FAM178B: variants seen among roughly 807,000 people sequenced by gnomAD.
FAM178B encodes family with sequence similarity 178 member B, also known as protein FAM178B.
In FAM178B, 82 loss-of-function variants were observed where a neutral mutation model predicts 91.7. That is an observed-to-expected ratio of 0.89 (90% confidence interval 0.75 to 1.07). The LOEUF (loss-of-function observed/expected upper bound fraction) is 1.07. FAM178B is among the 50% of genes least tolerant of loss of function. FAM178B has a pLI of 0.00. For synonymous variants in FAM178B, 368 were observed against 359.4 expected (o/e 1.02, Z -0.27); for missense variants, 769 against 846.7 (o/e 0.91, Z 1.14).
At chr2:96,947,508 C>A (rs2081849745) in intron 8 of FAM178B, among the ~76,000 whole-genome samples, 1 of 152,340 alleles carries the variant, frequency 6.6e-6, no homozygotes, top group Non-Finnish European at 1.5e-5. Context: ...GCTGTCCCCT[C>A]AGACCTAGAG....
chr2:96,930,682 A>G (rs1397304609), intron 8 of FAM178B, among the ~76,000 whole-genome samples: 1 of 152,250 alleles, frequency 6.6e-6, no homozygotes, highest in African/African-American at 2.4e-5. Flanking sequence ...AGTACTACAC[A>G]GCTAAGAGGG....
chr2:96,984,037 T>C (rs1212753380), intron 1 of FAM178B, among the ~76,000 whole-genome samples: 1 of 152,124 alleles, frequency 6.6e-6, no homozygotes, highest in Non-Finnish European at 1.5e-5. Flanking sequence ...TGGCACAATC[T>C]CGGTTCACTG....
At chr2:96,935,382 C>T (rs11885811) in intron 8 of FAM178B, among the ~76,000 whole-genome samples, 19,198 of 152,068 alleles carry the variant, frequency 0.13, 2,338 homozygotes, top group African/African-American at 0.32. Context: ...TCCAGCACGG[C>T]TGGTAGAGGC....
chr2:96,920,986 T>C (rs995106062), intron 12 of FAM178B, among the ~76,000 whole-genome samples, 179 bp downstream of exon 12: 1 of 152,074 alleles, frequency 6.6e-6, no homozygotes, highest in Non-Finnish European at 1.5e-5. Context: ...TTAAGAAAAT[T>C]AAGCTTTTTT....
chr2:96,906,691 C>A (rs2081062903), intron 12 of FAM178B, among the ~76,000 whole-genome samples: 1 of 152,230 alleles, frequency 6.6e-6, no homozygotes, highest in African/African-American at 2.4e-5. Context: ...GTGCAGGCCA[C>A]CCCGTGGCCC....
intron 7 of FAM178B, among the ~76,000 whole-genome samples, chr2:96,948,357 A>G (rs577539591): frequency 1.6e-4 from 24 of 152,356 alleles, no homozygotes; most frequent in African/African-American, 5.3e-4. Flanking sequence ...TTTCCAGGTC[A>G]GCGCCTTAAC....
intron 1 of FAM178B, chr2:96,977,956 A>AGGGGGGGG: frequency 8.6e-6 from 3 of 349,150 alleles, no homozygotes; most frequent in Admixed American, 3.6e-5. Flanking sequence ...CGGGCGGGGG[A>AGGGGGGGG]GGGGGGCGAC....
At chr2:96,959,375 G>A (rs903206039) in intron 6 of FAM178B, among the ~76,000 whole-genome samples, 3 of 152,054 alleles carry the variant, frequency 2.0e-5, no homozygotes, top group African/African-American at 7.2e-5. Context: ...AACTTTCCAC[G>A]ATAAAAACTT....
rs1229992262 is a variant in FAM178B, at chr2:96,894,791, TCACA to T, written c.1651-744_1651-741del. On this transcript the variant is annotated intron_variant, in intron 13 of 16. Coordinates refer to ENST00000490605, the MANE Select transcript of FAM178B (RefSeq NM_001122646.3). Reference sequence around the variant, plus strand: ...CCCATAGATCCCCACCCACGCCCACTCACACACACACTCACCCACATACACAGAC... The same window carrying T: ...CCCATAGATCCCCACCCACGCCCACTCACACACTCACCCACATACACAGAC... 8.8e-3 allele frequency among the ~76,000 whole-genome samples: 309 copies of T among 34,934 alleles called. 10 individuals carry two copies. The highest frequency in any genetic ancestry group is 0.037 in the African/African-American group (279 of 7,628). 22.9% of individuals were successfully genotyped at this position (34,934 alleles called of 152,430 possible).
chr2:96,924,896 T>G (rs190908210), intron 9 of FAM178B, among the ~76,000 whole-genome samples: 6 of 152,074 alleles, frequency 3.9e-5, no homozygotes, highest in African/African-American at 1.4e-4. Context: ...TCTTCTCTGC[T>G]TGGCACTGGC....
chr2:96,882,967 C>T (rs573062693), intron 14 of FAM178B, among the ~76,000 whole-genome samples: 173 of 152,384 alleles, frequency 1.1e-3, no homozygotes, highest in Non-Finnish European at 1.8e-3. Flanking sequence ...TCCCTGCGGC[C>T]GCTGCCAGCA....
At chr2:96,877,731 C>T (rs1010321448) in intron 16 of FAM178B, 159 bp downstream of exon 16, 4 of 687,316 alleles carry the variant, frequency 5.8e-6, no homozygotes, top group African/African-American at 5.4e-5. Context: ...GATGAAGGCC[C>T]CTCAAGGCGT....
intron 1 of FAM178B, among the ~76,000 whole-genome samples, chr2:96,974,295 T>G (rs551572474): frequency 1.4e-5 from 2 of 139,202 alleles, no homozygotes; most frequent in South Asian, 4.3e-4. Context: ...GGCAGGAGAA[T>G]GGCATGAACC....
At chr2:96,892,091 C>A (rs1214847306) in intron 14 of FAM178B, among the ~76,000 whole-genome samples, 2 of 152,182 alleles carry the variant, frequency 1.3e-5, no homozygotes, top group Non-Finnish European at 2.9e-5. Context: ...GCCCATCTAA[C>A]CTCTTTGAAG....
At chr2:96,878,952 A>G (rs1013588647) in intron 14 of FAM178B, among the ~76,000 whole-genome samples, 1 of 152,072 alleles carries the variant, frequency 6.6e-6, no homozygotes, top group African/African-American at 2.4e-5. Context: ...GAGAGATGGG[A>G]GCCGAAGGTT....
chr2:96,906,917 C>G (rs112982030), intron 12 of FAM178B, among the ~76,000 whole-genome samples: 1 of 152,210 alleles, frequency 6.6e-6, no homozygotes, highest in Non-Finnish European at 1.5e-5. Flanking sequence ...TTGAGGCCTG[C>G]GCGGGAGCTC....
intron 12 of FAM178B, among the ~76,000 whole-genome samples, chr2:96,908,189 C>G (rs1269569528): frequency 6.6e-6 from 1 of 152,232 alleles, no homozygotes; most frequent in East Asian, 1.9e-4. Context: ...ATCCACAGAC[C>G]AGTCTGAGCA....
At chr2:96,900,237 G>A (rs2080901694) in intron 13 of FAM178B, among the ~76,000 whole-genome samples, 1 of 152,080 alleles carries the variant, frequency 6.6e-6, no homozygotes, top group Admixed American at 6.6e-5. Flanking sequence ...TCTAACTGCT[G>A]GCTGTTCCCA....
At position 96,921,182 on chromosome 2, in the gene FAM178B, G is replaced by T; in HGVS notation, c.1545C>A (p.Asp515Glu). The T allele has an allele frequency of 6.4e-7, 1 of 1,551,606 alleles. No individual in the cohort carries two copies. Among genetic ancestry groups the T allele is most frequent in the Non-Finnish European group, 8.7e-7 (1 of 1,146,960 alleles). Reference sequence around the variant, plus strand: ...GCACGCACCTGCTCCGGGAGGTCATGTCTGGGAAGAACTGCACGAGGGCCA... The same window carrying T: ...GCACGCACCTGCTCCGGGAGGTCATTTCTGGGAAGAACTGCACGAGGGCCA... ...NLLALVQFFPDMTSRSRRLRS... is the reference protein window; with the variant it reads ...NLLALVQFFPEMTSRSRRLRS... The change falls in exon 12 of 17, where the codon GAC (aspartate) becomes GAA (glutamate). Residue 515 changes from aspartate to glutamate, a missense_variant. Transcript: ENST00000490605.
Sources: gnomAD v4.1 joint callset for allele counts (sites outside exome capture counted in the v4.1 genomes callset) on GRCh38, gnomAD v4.1.1 for gene constraint, MANE v1.5 for transcripts, NCBI Gene and HGNC (gene_info 2026-07-23, HGNC 2026-07-21) for gene names.